Variants in BPIFC observed in about 807,000 individuals in gnomAD.
BPIFC encodes BPI fold-containing family C protein.
In BPIFC, 60 loss-of-function variants were observed where a neutral mutation model predicts 57.6. The observed-to-expected ratio is 1.04, with a 90% CI of 0.85 to 1.29. BPIFC has a LOEUF of 1.29. Among genes scored for constraint, BPIFC ranks in the 50% most tolerant of loss-of-function variants. The pLI, the probability that BPIFC is intolerant of heterozygous loss-of-function variation, is 0.00. For missense variants in BPIFC, 581 were observed against 600.5 expected, an observed-to-expected ratio of 0.97 and a Z score of 0.34; for synonymous variants, 243 against 224.5, an observed-to-expected ratio of 1.08 and a Z score of -0.74.
Position 32,447,257 on chromosome 22 carries a change from C to T in BPIFC, c.329G>A (p.Gly110Asp). ...CCAGTCTGTGCTGATGTTGGCAGTG[C>T]CATGGTTGGTTAGCGCTTTGATTCC... The part of the protein sequence containing the change: ...GVGIKALTNH[G>D]TANISTDWGF... The change falls in exon 5 of 17, where the codon GGC becomes GAC. Residue 110 changes from glycine to aspartate, a missense_variant. Coordinates refer to ENST00000300399, the MANE Select transcript of BPIFC (RefSeq NM_174932.3). The T allele has an allele frequency of 6.2e-7, 1 of 1,614,006 alleles. No individual in the cohort carries two copies. Among genetic ancestry groups the T allele is most frequent in the South Asian group, 1.1e-5 (1 of 91,068 alleles).
In BPIFC at chr22:32,442,750, A is replaced by G. The variant is rs759938565; in HGVS notation, c.595-19T>C. The G allele has an allele frequency of 1.9e-6, 3 of 1,611,086 alleles. No homozygotes were observed. The highest frequency in any genetic ancestry group is 1.7e-6 in the Non-Finnish European group (2 of 1,178,144). Reference sequence around the variant, plus strand: ...GACAGAGCTGGCCACAAAGGAATAAAAAGAAAAAAGCAAGTTACCATGTTG... The same window carrying G: ...GACAGAGCTGGCCACAAAGGAATAAGAAGAAAAAAGCAAGTTACCATGTTG... On this transcript the variant is annotated intron_variant, in intron 7 of 16. Transcript: ENST00000300399.
intron 4 of BPIFC, among the ~76,000 whole-genome samples, chr22:32,450,093 TACACACACACACACACAC>T (rs59948938): frequency 0.05 from 7,262 of 145,582 alleles, 267 homozygotes; most frequent in African/African-American, 0.092. Context: ...TCAAAGAGCA[TACACACACACACACACAC>T]ACACACACAC....
chr22:32,445,276 G>C (rs1934685590), intron 7 of BPIFC, among the ~76,000 whole-genome samples: 1 of 152,192 alleles, frequency 6.6e-6, no homozygotes, highest in Non-Finnish European at 1.5e-5. Flanking sequence ...GGTGGCTCAT[G>C]CCTGTAATCC....
At chr22:32,428,059 A>G (rs1262358030) in intron 13 of BPIFC, among the ~76,000 whole-genome samples, 1 of 152,148 alleles carries the variant, frequency 6.6e-6, no homozygotes, top group African/African-American at 2.4e-5. Flanking sequence ...TCAGAGTTTC[A>G]TCAGCCTGAT....
rs149666194 is a variant in BPIFC at position 32,426,276 on chromosome 22, AT to A, written c.1217+5070del. Reference sequence around the variant, plus strand: ...ATCCTTTTCCTGCTGCATCTCTCTGATATCACCCAAGACCAAACCAGCTCAT... The same window carrying A: ...ATCCTTTTCCTGCTGCATCTCTCTGAATCACCCAAGACCAAACCAGCTCAT... On this transcript the variant is annotated intron_variant, in intron 13 of 16. Coordinates refer to ENST00000300399, the MANE Select transcript of BPIFC (RefSeq NM_174932.3). 8.9e-3 allele frequency among the ~76,000 whole-genome samples: 1,362 copies of A among 152,214 alleles called. 25 individuals carry two copies. Among genetic ancestry groups the A allele is most frequent in the African/African-American group, 0.032 (1,322 of 41,520 alleles).
At chr22:32,432,243 GCCTCCAT>G in intron 12 of BPIFC, 123 bp downstream of exon 12, 1 of 1,001,396 alleles carries the variant, frequency 1.0e-6, no homozygotes, top group South Asian at 1.8e-5. Context: ...ATCACGTCCA[GCCTCCAT>G]CCTCACTCTT....
chr22:32,464,415 T>C lies in BPIFC; in HGVS notation c.-130A>G, dbSNP rs1413749932. On this transcript the variant is annotated 5_prime_UTR_variant, in exon 1 of 17. Coordinates refer to ENST00000300399, the MANE Select transcript of BPIFC (RefSeq NM_174932.3). The stretch of plus-strand genomic sequence containing the variant: ...GTCCAAAGCTGGAGAGCACCTTCGA[T>C]TCTCTCTGCCTTTGAAGCTGATGTG... 1.0e-6 allele frequency: 1 copy of C among 985,316 alleles called. No homozygotes were observed. Among genetic ancestry groups the C allele is most frequent in the Non-Finnish European group, 1.2e-6 (1 of 829,900 alleles). 61.0% of individuals were successfully genotyped at this position (985,316 alleles called of 1,614,324 possible).
At chr22:32,420,024 A>G (rs893782436) in intron 13 of BPIFC, among the ~76,000 whole-genome samples, 15 of 152,006 alleles carry the variant, frequency 9.9e-5, no homozygotes, top group African/African-American at 2.9e-4. Context: ...AACAATCTTA[A>G]GAAACAGTTT....
chr22:32,447,462 A>C, intron 4 of BPIFC, 122 bp from the exon 5 acceptor site: 1 of 1,173,710 alleles, frequency 8.5e-7, no homozygotes, highest in Non-Finnish European at 1.2e-6. Flanking sequence ...CTACAGAGAA[A>C]AGAACCTCCT....
chr22:32,428,426 G>T (rs1027565098), intron 13 of BPIFC, among the ~76,000 whole-genome samples: 2 of 151,854 alleles, frequency 1.3e-5, no homozygotes, highest in African/African-American at 4.8e-5. Flanking sequence ...GTGCCACCCT[G>T]CCCGGCCTCT....
At position 32,420,242 on chromosome 22, in the gene BPIFC, C is replaced by T. The variant is rs369622294; in HGVS notation, c.1218-838G>A. ...CTGAGGCAGGAGAATGGTGTGAACC[C>T]GGGAGGCACAGCTTGCAGTGAGCAG... is the stretch of plus-strand genomic sequence containing the variant. On this transcript the variant is annotated intron_variant, in intron 13 of 16. Coordinates refer to ENST00000300399, the MANE Select transcript of BPIFC (RefSeq NM_174932.3). Among the ~76,000 whole-genome samples, 16 of 150,586 alleles carry T rather than the reference C, an allele frequency of 1.1e-4. No homozygotes were observed. In the East Asian group the frequency reaches 2.6e-3, roughly 24 times the overall value.
chr22:32,434,882 G>A (rs1205429720), intron 10 of BPIFC, among the ~76,000 whole-genome samples: 1 of 152,188 alleles, frequency 6.6e-6, no homozygotes, highest in African/African-American at 2.4e-5. Flanking sequence ...ATTATAAAAG[G>A]GAGGTGCATG....
chr22:32,447,083 G>C, intron 5 of BPIFC, 129 bp downstream of exon 5: 1 of 1,292,910 alleles, frequency 7.7e-7, no homozygotes, highest in Non-Finnish European at 1.0e-6. Context: ...GGAAAAAAAT[G>C]CTTTTGAGAA....
chr22:32,460,902 T>C (rs1025573720), intron 2 of BPIFC, among the ~76,000 whole-genome samples: 1 of 152,230 alleles, frequency 6.6e-6, no homozygotes, highest in Admixed American at 6.5e-5. Context: ...TGAGTGACTG[T>C]TAAGTGTTGG....
chr22:32,436,565 A>G (rs1470645411), intron 9 of BPIFC, among the ~76,000 whole-genome samples: 2 of 152,236 alleles, frequency 1.3e-5, no homozygotes, highest in Admixed American at 1.3e-4. Flanking sequence ...ACTATTTTTC[A>G]AAGCTCTTAG....
chr22:32,415,992 C>G lies in BPIFC; in HGVS notation c.1325-1G>C. ...AGAGGAAATCCTTGCTGCAATTTTG[C>G]TAAAATATAGAACAAGACGTAAAAC... On this transcript the variant is annotated splice_acceptor_variant, in intron 15 of 16. Transcript: ENST00000300399. LOFTEE classifies it high-confidence loss of function. 1 of 1,576,712 alleles carries G rather than the reference C, an allele frequency of 6.3e-7. No individual in the cohort carries two copies. The highest frequency in any genetic ancestry group is 8.6e-7 in the Non-Finnish European group (1 of 1,161,404).
At chr22:32,446,074 C>A in intron 5 of BPIFC, 78 bp from the exon 6 acceptor site, 1 of 1,514,932 alleles carries the variant, frequency 6.6e-7, no homozygotes, top group Non-Finnish European at 9.0e-7. Context: ...TACCCAGAGA[C>A]TCTAAGCTCC....
At chr22:32,431,439 A>ATTTATTTATTTATTTATTTTATT in intron 12 of BPIFC, 25 bp from the exon 13 acceptor site, 1 of 1,343,076 alleles carries the variant, frequency 7.4e-7, no homozygotes, top group Non-Finnish European at 1.1e-6. Context: ...AGCATTTATT[A>ATTTATTTATTTATTTATTTTATT]TTAAGACGAG....
intron 8 of BPIFC, among the ~76,000 whole-genome samples, chr22:32,438,366 A>G (rs992476421): frequency 1.3e-5 from 2 of 152,208 alleles, no homozygotes; most frequent in African/African-American, 2.4e-5. Flanking sequence ...ATACAAACAC[A>G]CAAAATGCAT....
Sources: gnomAD v4.1 joint callset for allele counts (sites outside exome capture counted in the v4.1 genomes callset) on GRCh38, gnomAD v4.1.1 for gene constraint, MANE v1.5 for transcripts, NCBI Gene and HGNC (gene_info 2026-07-23, HGNC 2026-07-21) for gene names.